The following CLIC5 variants were observed in gnomAD, a reference collection of about 807,000 sequenced individuals.
The protein encoded by CLIC5 is CLIC family member 5.
CLIC5 carries 20 observed loss-of-function variants against 24.7 expected under a neutral mutation model. The ratio of observed to expected loss-of-function variants is 0.81; its 90% CI spans 0.57 to 1.18. The LOEUF (loss-of-function observed/expected upper bound fraction) is 1.18, where lower values mean the gene tolerates loss of function less well. Ranked by LOEUF, CLIC5 falls within the 50% of genes most tolerant of loss-of-function variation. The probability of loss-of-function intolerance (pLI) is 0.00; values close to 1 mark genes in which losing one functional copy is unlikely to be tolerated. For missense variants in CLIC5, 341 were observed against 326.1 expected (o/e 1.05, Z -0.35); for synonymous variants, 159 against 135.6 (o/e 1.17, Z -1.20).
intron 1 of CLIC5, among the ~76,000 whole-genome samples, chr6:46,012,387 A>T (rs1338853499): frequency 1.3e-5 from 2 of 152,222 alleles, no homozygotes; most frequent in African/African-American, 2.4e-5. Context: ...AGTTGACATG[A>T]TCTAACATTT....
chr6:45,929,664 G>A lies in CLIC5; in HGVS notation c.406+11883C>T, dbSNP rs1281213095. 3.3e-5 allele frequency among the ~76,000 whole-genome samples: 5 copies of A among 152,170 alleles called. No individual in the cohort carries two copies. In the East Asian group the frequency reaches 9.7e-4, roughly 29 times the overall value. On this transcript the variant is annotated intron_variant, in intron 4 of 5. Coordinates refer to ENST00000339561, the MANE Select transcript of CLIC5 (RefSeq NM_016929.5). ...TCCGCATTGCTGTGGAGGTCGGCCT[G>A]ACCACCCAGGAGCCTTCACCAAGAT...
upstream of CLIC5, chr6:46,080,360 A>G (rs776681622): frequency 1.3e-6 from 1 of 744,390 alleles, no homozygotes; most frequent in Non-Finnish European, 2.2e-6. Flanking sequence ...AAAGGCAGCA[A>G]CTAGCAACTG....
At chr6:45,885,669 A>T (rs1191467988) in intron 6 of CLIC5, among the ~76,000 whole-genome samples, 3 of 152,192 alleles carry the variant, frequency 2.0e-5, no homozygotes, top group African/African-American at 7.2e-5. Context: ...CATTTCGGTG[A>T]AAAGGAAAGG....
At chr6:46,004,591 G>T (rs534887611) in intron 1 of CLIC5, among the ~76,000 whole-genome samples, 10 of 152,238 alleles carry the variant, frequency 6.6e-5, no homozygotes, top group Non-Finnish European at 1.0e-4. Context: ...TTGGTAGGTT[G>T]TTGTTTCAGC....
At chr6:46,058,874 T>C (rs754462046) in intron 1 of CLIC5, among the ~76,000 whole-genome samples, 1 of 152,204 alleles carries the variant, frequency 6.6e-6, no homozygotes, top group Non-Finnish European at 1.5e-5. Context: ...TCAGCAGCAG[T>C]TGCATGTGAT....
intron 1 of CLIC5, among the ~76,000 whole-genome samples, chr6:46,071,464 G>A (rs962321058): frequency 1.3e-5 from 2 of 151,656 alleles, no homozygotes; most frequent in African/African-American, 4.8e-5. Flanking sequence ...ACATACATGG[G>A]GCCAACAACC....
At position 46,025,040 on chromosome 6, in the gene CLIC5, A is replaced by AT. The variant is rs71536373; in HGVS notation, c.540+54662dup. Among the ~76,000 whole-genome samples the AT allele has an allele frequency of 8.3e-3, 1,262 of 151,340 alleles. 17 individuals are homozygous for AT. Among genetic ancestry groups the AT allele is most frequent in the African/African-American group, 0.028 (1,158 of 41,274 alleles). The stretch of plus-strand genomic sequence containing the variant: ...TAATAAATAATGTCTCCATTAATTG[A>AT]TTTTTTTTTCAAAAGAGAATGTCTT... On this transcript the variant is annotated intron_variant, in intron 1 of 5. Coordinates refer to the CLIC5 transcript ENST00000185206.
upstream of CLIC5, chr6:46,018,922 A>T (rs1767094514): frequency 1.3e-5 from 2 of 152,212 alleles, no homozygotes; most frequent in African/African-American, 4.8e-5. Context: ...CAATAATATG[A>T]CCACTGCAGC....
chr6:45,962,929 C>A lies in CLIC5; in HGVS notation c.64-7685G>T, dbSNP rs954970174. Among the ~76,000 whole-genome samples, 8 of 152,174 alleles carry A rather than the reference C, an allele frequency of 5.3e-5. 1 individual carries two copies. Among genetic ancestry groups the A allele is most frequent in the Non-Finnish European group, 1.2e-4 (8 of 68,036 alleles). ...CTGCCTTGAGCTTTACGTCCATCTG[C>A]CACTGAGTGTATGTTCACCCTCCTG... On this transcript the variant is annotated intron_variant, in intron 1 of 5. Coordinates refer to ENST00000339561, the MANE Select transcript of CLIC5 (RefSeq NM_016929.5).
Position 45,955,217 on chromosome 6 carries a change from T to G in CLIC5, c.91A>C (p.Asn31His). ...AAGAGGCGCTGAGAGAAAGGACAGTTGCCGATGCTTTCTCCATCGATTCCA... is the reference window on the plus strand; with the variant it reads ...AAGAGGCGCTGAGAGAAAGGACAGTGGCCGATGCTTTCTCCATCGATTCCA... Reference protein sequence around the residue: ...KAGIDGESIGNCPFSQRLFMI... With the variant: ...KAGIDGESIGHCPFSQRLFMI... Residue 31 changes from asparagine to histidine, a missense_variant, in exon 2 of 6, where the codon AAC becomes CAC. Coordinates refer to ENST00000339561, the MANE Select transcript of CLIC5 (RefSeq NM_016929.5). 1 of 1,613,908 alleles carries G rather than the reference T, an allele frequency of 6.2e-7. No individual in the cohort carries two copies. Among genetic ancestry groups the G allele is most frequent in the Non-Finnish European group, 8.5e-7 (1 of 1,179,820 alleles).
At chr6:46,007,545 G>A (rs1398174221) in intron 1 of CLIC5, among the ~76,000 whole-genome samples, 1 of 152,126 alleles carries the variant, frequency 6.6e-6, no homozygotes, top group Non-Finnish European at 1.5e-5. Flanking sequence ...TGGGACCACT[G>A]GGATAGCCTC....
chr6:45,914,138 G>T, intron 5 of CLIC5, 90 bp downstream of exon 5: 1 of 1,059,598 alleles, frequency 9.4e-7, no homozygotes. Context: ...TTGACCAACA[G>T]GTGGTACTGT....
In CLIC5 at chr6:45,909,869, G is replaced by A. The variant is rs185986947; in HGVS notation, c.588+4359C>T. Among the ~76,000 whole-genome samples, 3 of 152,270 alleles carry A rather than the reference G, an allele frequency of 2.0e-5. No homozygotes were observed. In the East Asian group the frequency reaches 5.8e-4, roughly 29 times the overall value. Reference sequence around the variant, plus strand: ...GAGAGGGCCCTAGACCATTGACCCTGGGATCCTCCCATTCAGAGAAGCCCC... The same window carrying A: ...GAGAGGGCCCTAGACCATTGACCCTAGGATCCTCCCATTCAGAGAAGCCCC... On this transcript the variant is annotated intron_variant, in intron 5 of 5. Transcript: ENST00000339561.
chr6:46,033,139 C>A (rs543326555), intron 1 of CLIC5, among the ~76,000 whole-genome samples: 2 of 151,926 alleles, frequency 1.3e-5, no homozygotes, highest in African/African-American at 4.8e-5. Flanking sequence ...CAGGCATGTG[C>A]CACCACGCCC....
intron 1 of CLIC5, among the ~76,000 whole-genome samples, chr6:46,055,833 A>T (rs1366558271): frequency 1.3e-5 from 2 of 152,236 alleles, no homozygotes; most frequent in East Asian, 3.9e-4. Context: ...CATTTAAAAC[A>T]TGGTGAAACT....
At chr6:46,104,437 A>G in the CLIC5 span, among the ~76,000 whole-genome samples, 2 of 152,096 alleles carry the variant, frequency 1.3e-5, no homozygotes, top group East Asian at 3.9e-4. Context: ...TTGTCTTAAC[A>G]AGTCCCATCA....
intron 1 of CLIC5, among the ~76,000 whole-genome samples, chr6:46,021,717 G>A (rs1025709167): frequency 6.6e-6 from 1 of 152,200 alleles, no homozygotes; most frequent in Non-Finnish European, 1.5e-5. Flanking sequence ...TCATTTACAT[G>A]ACATTCTGGA....
the CLIC5 span, among the ~76,000 whole-genome samples, chr6:46,090,475 T>C: frequency 3.2e-4 from 48 of 152,290 alleles, no homozygotes; most frequent in South Asian, 9.1e-3. Flanking sequence ...TAAACTTATG[T>C]TAAAAATATT....
At chr6:46,122,572 A>G in the CLIC5 span, among the ~76,000 whole-genome samples, 1 of 152,218 alleles carries the variant, frequency 6.6e-6, no homozygotes, top group Non-Finnish European at 1.5e-5. Flanking sequence ...GCAAGAAATA[A>G]CTAAGATCAG....
Sources: allele counts gnomAD v4.1 joint callset (sites outside exome capture counted in the v4.1 genomes callset), GRCh38; gene constraint gnomAD v4.1.1; transcripts MANE v1.5; gene names NCBI Gene and HGNC (gene_info 2026-07-23, HGNC 2026-07-21).